The following RAP1GAP2 variants were observed in gnomAD, a reference collection of about 807,000 sequenced individuals.
RAP1GAP2 encodes rap1 GTPase-activating protein 2.
Under a neutral mutation model 95.0 loss-of-function variants are expected in RAP1GAP2, and 27 were observed. The observed-to-expected ratio is 0.28, with a 90% CI of 0.21 to 0.39. RAP1GAP2 has a LOEUF of 0.39. Among genes scored for constraint, RAP1GAP2 ranks in the 10% least tolerant of loss-of-function variants. The pLI is 1.00. For missense variants in RAP1GAP2, 771 were observed against 970.0 expected, an observed-to-expected ratio of 0.79 and a Z score of 2.72; for synonymous variants, 373 against 380.9, an observed-to-expected ratio of 0.98 and a Z score of 0.24.
At chr17:2,941,156 C>G (rs998879666) in intron 3 of RAP1GAP2, among the ~76,000 whole-genome samples, 1 of 152,220 alleles carries the variant, frequency 6.6e-6, no homozygotes, top group African/African-American at 2.4e-5. Flanking sequence ...AATCCCAGCA[C>G]TTTGGGAGGC....
intron 2 of RAP1GAP2, among the ~76,000 whole-genome samples, chr17:2,812,882 C>T (rs190546662): frequency 7.9e-4 from 119 of 151,334 alleles, no homozygotes; most frequent in African/African-American, 2.7e-3. Flanking sequence ...CCTAGCTACT[C>T]AGGAGGCTGA....
intron 2 of RAP1GAP2, among the ~76,000 whole-genome samples, chr17:2,819,857 C>T (rs1272519284): frequency 6.0e-5 from 9 of 149,710 alleles, no homozygotes; most frequent in Admixed American, 6.0e-4. Context: ...GATCCTGGCT[C>T]ACTGTAGCCT....
In RAP1GAP2 at chr17:3,004,595, A is replaced by G. The variant is rs1032000777; in HGVS notation, c.1201-774A>G. 3.9e-5 allele frequency among the ~76,000 whole-genome samples: 6 copies of G among 152,206 alleles called. No homozygotes were observed. The highest frequency in any genetic ancestry group is 1.4e-4 in the African/African-American group (6 of 41,466). ...CCCGTCCCACGCCTGGGCGACCCCC[A>G]TGCAGCGAACCTCGAGGCCGTCACT... On this transcript the variant is annotated intron_variant, in intron 14 of 24. Transcript: ENST00000254695. This position sits in a 1 kb window ranked among gnomAD's most constrained non-coding sequence, Gnocchi z 4.1.
At chr17:2,769,399 C>T (rs997157743) in intron 1 of RAP1GAP2, among the ~76,000 whole-genome samples, 2 of 150,698 alleles carry the variant, frequency 1.3e-5, no homozygotes, top group African/African-American at 4.9e-5. Context: ...ACTAAAAATA[C>T]AAAAAATTAG....
chr17:2,939,902 C>G (rs2043428814), intron 3 of RAP1GAP2, among the ~76,000 whole-genome samples: 1 of 152,278 alleles, frequency 6.6e-6, no homozygotes, highest in Non-Finnish European at 1.5e-5. Flanking sequence ...CGTGGACTAA[C>G]AGCTTCGGGC....
intron 2 of RAP1GAP2, among the ~76,000 whole-genome samples, chr17:2,886,656 C>T (rs972122494): frequency 2.0e-5 from 3 of 152,210 alleles, no homozygotes; most frequent in Non-Finnish European, 2.9e-5. Context: ...CGCTTTCCCA[C>T]GCAGCTTTGC....
intron 8 of RAP1GAP2, among the ~76,000 whole-genome samples, chr17:2,968,630 C>T (rs1359716505): frequency 6.6e-6 from 1 of 152,004 alleles, no homozygotes; most frequent in Non-Finnish European, 1.5e-5. Context: ...AGAAAACACA[C>T]TTTGTCTGTA....
At chr17:2,832,521 G>C (rs898272108) in intron 2 of RAP1GAP2, among the ~76,000 whole-genome samples, 4 of 139,236 alleles carry the variant, frequency 2.9e-5, no homozygotes, top group South Asian at 2.3e-4. Context: ...TCGCGCCACT[G>C]CACTCCAGCC....
chr17:2,991,539 C>G lies in RAP1GAP2; in HGVS notation c.914+142C>G. 3.0e-6 allele frequency: 2 copies of G among 669,072 alleles called. 1 individual carries two copies. The highest frequency in any genetic ancestry group is 3.7e-5 in the South Asian group (2 of 53,610). The allele number at this position is 669,072 out of a possible 1,614,324, so 41.4% of individuals were successfully genotyped here. On this transcript the variant is annotated intron_variant, in intron 12 of 24. Transcript: ENST00000254695. ...TGGCTTTTCAGGGTCTTGTCGCTCA[C>G]TGCATTTCTAAGGAATCAGGGGTCC...
At chr17:2,873,102 G>GA (rs780938204) in intron 2 of RAP1GAP2, among the ~76,000 whole-genome samples, 1,785 of 126,794 alleles carry the variant, frequency 0.014, 10 homozygotes, top group African/African-American at 0.017. Context: ...GACTTTGTCT[G>GA]AAAAAAAAAA....
intron 3 of RAP1GAP2, among the ~76,000 whole-genome samples, chr17:2,943,462 C>G (rs1306578862): frequency 6.6e-6 from 1 of 151,502 alleles, no homozygotes; most frequent in East Asian, 2.0e-4. Flanking sequence ...CATCTGAGGT[C>G]AGGAGTTCAA....
chr17:2,764,445 A>C (rs920685010), intron 1 of RAP1GAP2, among the ~76,000 whole-genome samples: 2 of 124,426 alleles, frequency 1.6e-5, no homozygotes, highest in South Asian at 5.1e-4. Flanking sequence ...ATAGAAGGCC[A>C]GGCGCGGTGG....
intron 16 of RAP1GAP2, among the ~76,000 whole-genome samples, chr17:3,006,810 T>C (rs903367432): frequency 6.6e-6 from 1 of 152,040 alleles, no homozygotes; most frequent in Non-Finnish European, 1.5e-5. Flanking sequence ...AGTGAGACAG[T>C]TTCTATCCCT....
chr17:2,861,564 T>C (rs538622964), intron 2 of RAP1GAP2, among the ~76,000 whole-genome samples: 6 of 151,044 alleles, frequency 4.0e-5, no homozygotes. Flanking sequence ...GCCTTCCAGG[T>C]TCAAGCGATT....
chr17:2,954,045 G>A (rs969024682), intron 3 of RAP1GAP2, among the ~76,000 whole-genome samples: 6 of 152,072 alleles, frequency 3.9e-5, no homozygotes, highest in African/African-American at 1.4e-4. Flanking sequence ...TCTCTATGAG[G>A]TTGCATACTC....
chr17:3,002,003 C>T (rs1164364217), intron 14 of RAP1GAP2, among the ~76,000 whole-genome samples: 1 of 150,186 alleles, frequency 6.7e-6, no homozygotes, highest in Non-Finnish European at 1.5e-5. Flanking sequence ...CTCGCTGTCA[C>T]CCAGGCTAGA....
chr17:2,980,352 C>T lies in RAP1GAP2; in HGVS notation c.662C>T (p.Pro221Leu). 1.2e-6 allele frequency: 2 copies of T among 1,613,910 alleles called. No individual in the cohort carries two copies. The highest frequency in any genetic ancestry group is 1.7e-6 in the Non-Finnish European group (2 of 1,179,870). ...GGACTGAGCAAGCTTCCCAGTGTCC[C>T]TCAGATTGCAAAGGTGAGAAACCAA... ...LAGLSKLPSV[P>L]QIAKAFCDDA... The change falls in exon 9 of 25, where the codon CCT becomes CTT. Residue 221 changes from proline to leucine, a missense_variant. Transcript: ENST00000254695.
intron 3 of RAP1GAP2, among the ~76,000 whole-genome samples, chr17:2,931,116 C>T (rs1356849726): frequency 1.9e-5 from 2 of 103,608 alleles, no homozygotes; most frequent in African/African-American, 7.2e-5. Flanking sequence ...AGCGAGACTC[C>T]ATCTCAAAAA....
intron 1 of RAP1GAP2, among the ~76,000 whole-genome samples, chr17:2,760,292 C>CAA (rs374784170): frequency 4.9e-4 from 29 of 59,092 alleles, no homozygotes; most frequent in Non-Finnish European, 7.5e-4. Flanking sequence ...GACTCTGTCT[C>CAA]AAAAAAAAAA....
Sources: gnomAD v4.1 joint callset for allele counts (sites outside exome capture counted in the v4.1 genomes callset) on GRCh38, gnomAD v4.1.1 for gene constraint, Gnocchi (gnomAD v3.1) non-coding constraint, MANE v1.5 for transcripts, NCBI Gene and HGNC (gene_info 2026-07-23, HGNC 2026-07-21) for gene names.